Variants in CERK observed in about 807,000 individuals in gnomAD.
The protein encoded by CERK is acylsphingosine kinase.
CERK carries 39 observed loss-of-function variants against 63.4 expected under a neutral mutation model. That is an observed-to-expected ratio of 0.61 (90% CI 0.48 to 0.80). CERK has a LOEUF of 0.80. Ranked by LOEUF, CERK falls within the 30% of genes least tolerant of loss-of-function variation. The probability of loss-of-function intolerance (pLI) is 0.00; values close to 1 mark genes in which losing one functional copy is unlikely to be tolerated. For missense variants in CERK, 670 were observed against 714.1 expected (o/e 0.94, Z 0.70); for synonymous variants, 302 against 280.0 (o/e 1.08, Z -0.78).
chr22:46,685,176 T>C lies in CERK; in HGVS notation c.*1958A>G, dbSNP rs1320525249. Reference sequence around the variant, plus strand: ...CCACCTCTTTCTTGGGTTCAAGCGATTCTCCTGCCTCAGCATCCCTAGTAG... The same window carrying C: ...CCACCTCTTTCTTGGGTTCAAGCGACTCTCCTGCCTCAGCATCCCTAGTAG... On this transcript the variant is annotated 3_prime_UTR_variant, in exon 13 of 13. Coordinates refer to ENST00000216264, the MANE Select transcript of CERK (RefSeq NM_022766.6). The C allele has an allele frequency of 1.3e-5, 2 of 152,176 alleles. No individual in the cohort carries two copies. Among genetic ancestry groups the C allele is most frequent in the Non-Finnish European group, 2.9e-5 (2 of 68,084 alleles). The allele number at this position is 152,176 out of a possible 1,614,324, so 9.4% of individuals were successfully genotyped here. A position where few individuals can be genotyped will look rare whatever the true frequency, so the allele number is the denominator to read the frequency against.
At chr22:46,693,766 C>G in intron 9 of CERK, 1 of 416,966 alleles carries the variant, frequency 2.4e-6, no homozygotes, top group Non-Finnish European at 4.5e-6. Flanking sequence ...CACCTGGAGA[C>G]GGTTTCTGCC....
intron 5 of CERK, among the ~76,000 whole-genome samples, chr22:46,708,358 G>A (rs1364866844): frequency 1.3e-5 from 2 of 152,264 alleles, no homozygotes; most frequent in Admixed American, 1.3e-4. Flanking sequence ...TGGGAGCAGA[G>A]AGGGTGCACT....
At chr22:46,734,923 T>C (rs2082965159) in intron 1 of CERK, among the ~76,000 whole-genome samples, 1 of 152,202 alleles carries the variant, frequency 6.6e-6, no homozygotes. Flanking sequence ...CCAGGCACTT[T>C]GCAGGGTGTG....
intron 1 of CERK, among the ~76,000 whole-genome samples, chr22:46,734,067 C>CATATATATAT (rs59207182): frequency 6.9e-6 from 1 of 145,394 alleles, no homozygotes; most frequent in African/African-American, 2.5e-5. Context: ...TACATACATA[C>CATATATATAT]ATATATATAT....
intron 1 of CERK, among the ~76,000 whole-genome samples, chr22:46,731,666 T>C (rs551149248): frequency 7.2e-5 from 11 of 152,172 alleles, no homozygotes; most frequent in Admixed American, 3.3e-4. Context: ...AGAGGGCACC[T>C]GGGGAGGCAC....
intron 10 of CERK, among the ~76,000 whole-genome samples, chr22:46,692,276 A>C (rs1401699062): frequency 6.6e-6 from 1 of 151,552 alleles, no homozygotes; most frequent in Non-Finnish European, 1.5e-5. Context: ...AAATACAAAA[A>C]TTAGCCAGGC....
At position 46,687,178 on chromosome 22, in the gene CERK, CAA is replaced by C. The variant is rs1424538130; in HGVS notation, c.1568_1569del (p.Phe523CysfsTer5). 6 of 1,614,054 alleles carry C rather than the reference CAA, an allele frequency of 3.7e-6. No individual in the cohort carries two copies. The highest frequency in any genetic ancestry group is 3.3e-5 in the South Asian group (3 of 91,090). ...VRVHCQLVRLFARGIEENPKP... is the reference protein window; with the variant it reads ...VRVHCQLVRLXARGIEENPKP... ...TTCGGATTCTCTTCAATTCCTCGTG[CAA>C]AGAGTCGAACCAGCTGGCAGTGGAC... On this transcript the variant is annotated frameshift_variant, in exon 13 of 13. Transcript: ENST00000216264. LOFTEE classifies it low-confidence loss of function (END_TRUNC).
At chr22:46,718,978 A>G (rs9615405) in intron 3 of CERK, among the ~76,000 whole-genome samples, 25,247 of 151,924 alleles carry the variant, frequency 0.17, 3,241 homozygotes, top group African/African-American at 0.36. Flanking sequence ...TGAGGTGGGA[A>G]GATCACTTGA....
In CERK at chr22:46,701,380, G is replaced by A. The variant is rs1331866512; in HGVS notation, c.790+256C>T. Reference sequence around the variant, plus strand: ...CAGGTGAGCTGAGTACGGGCATCGCGCATGTGGTGGATTCCGTGGGAAAGA... The same window carrying A: ...CAGGTGAGCTGAGTACGGGCATCGCACATGTGGTGGATTCCGTGGGAAAGA... On this transcript the variant is annotated intron_variant, in intron 7 of 12. Transcript: ENST00000216264. 1.3e-5 allele frequency among the ~76,000 whole-genome samples: 2 copies of A among 152,234 alleles called. No individual in the cohort carries two copies. Among genetic ancestry groups the A allele is most frequent in the Non-Finnish European group, 2.9e-5 (2 of 68,042 alleles).
intron 3 of CERK, among the ~76,000 whole-genome samples, chr22:46,715,656 A>G (rs1301132481): frequency 7.2e-5 from 11 of 152,148 alleles, no homozygotes; most frequent in Non-Finnish European, 2.9e-5. Flanking sequence ...GCTGCACTGC[A>G]GCCTGGGTGA....
intron 4 of CERK, among the ~76,000 whole-genome samples, chr22:46,711,782 A>T (rs2082842232): frequency 6.6e-6 from 1 of 152,230 alleles, no homozygotes; most frequent in African/African-American, 2.4e-5. Context: ...TGTTTAAAAT[A>T]ATCTTACAGG....
intron 1 of CERK, among the ~76,000 whole-genome samples, chr22:46,721,361 C>T (rs951722821): frequency 5.3e-5 from 8 of 152,040 alleles, no homozygotes; most frequent in Non-Finnish European, 1.2e-4. Context: ...GGTTCGATCT[C>T]GGCTCACTGC....
At chr22:46,724,231 GTTTTC>G (rs2082906816) in intron 1 of CERK, among the ~76,000 whole-genome samples, 2 of 152,016 alleles carry the variant, frequency 1.3e-5, no homozygotes, top group East Asian at 1.9e-4. Flanking sequence ...TCTTAACCAC[GTTTTC>G]TTTTCTCTAG....
At chr22:46,713,156 A>G (rs1371524520) in intron 3 of CERK, among the ~76,000 whole-genome samples, 1 of 152,148 alleles carries the variant, frequency 6.6e-6, no homozygotes, top group Admixed American at 6.5e-5. Context: ...CAAATCAATA[A>G]AAGTAACAAG....
Position 46,691,590 on chromosome 22 carries a change from G to C in CERK, c.1314C>G (p.His438Gln), listed in dbSNP as rs780720946. 1 of 1,613,872 alleles carries C rather than the reference G, an allele frequency of 6.2e-7. No homozygotes were observed. Among genetic ancestry groups the C allele is most frequent in the Non-Finnish European group, 8.5e-7 (1 of 1,179,974 alleles). ...RFNFLRFLIR[H>Q]TNQQDQFDFT... ...CACTTACCTGGTCCTGCTGGTTGGT[G>C]TGCCTGATGAGAAATCTCAGAAAAT... Residue 438 changes from histidine to glutamine, a missense_variant, in exon 11 of 13, where the codon CAC (histidine) becomes CAG (glutamine). By Grantham distance (24) the His-to-Gln change is conservative. Coordinates refer to ENST00000216264, the MANE Select transcript of CERK (RefSeq NM_022766.6).
chr22:46,719,031 G>T (rs1486705380), intron 3 of CERK, among the ~76,000 whole-genome samples: 1 of 152,068 alleles, frequency 6.6e-6, no homozygotes, highest in African/African-American at 2.4e-5. Flanking sequence ...TCATGCCACT[G>T]CACTCCACCC....
At position 46,690,111 on chromosome 22, in the gene CERK, C is replaced by A. The variant is rs775141833; in HGVS notation, c.1422G>T (p.Glu474Asp). The A allele has an allele frequency of 3.8e-5, 62 of 1,614,114 alleles. 1 individual carries two copies. Among genetic ancestry groups the A allele is most frequent in the Admixed American group, 2.3e-4 (14 of 60,020 alleles). Reference sequence around the variant, plus strand: ...TGTGCCCAAAGCGCTTCTTCCCCCCCTCCTTGAGGTCGCTGTCCTCATCCT... The same window carrying A: ...TGTGCCCAAAGCGCTTCTTCCCCCCATCCTTGAGGTCGCTGTCCTCATCCT... ...HMEDEDSDLK[E>D]GGKKRFGHIC... Residue 474 changes from glutamate to aspartate, a missense_variant, in exon 12 of 13, where the codon GAG (glutamate) becomes GAT (aspartate). Transcript: ENST00000216264.
At chr22:46,700,596 T>C (rs2082778640) in intron 7 of CERK, among the ~76,000 whole-genome samples, 1 of 152,044 alleles carries the variant, frequency 6.6e-6, no homozygotes, top group Non-Finnish European at 1.5e-5. Flanking sequence ...TTCTGCAATC[T>C]CAGCTACTTA....
chr22:46,705,607 GT>G (rs2082809230), intron 6 of CERK, among the ~76,000 whole-genome samples: 1 of 152,174 alleles, frequency 6.6e-6, no homozygotes, highest in African/African-American at 2.4e-5. Context: ...GGAGGCAGAG[GT>G]TGCAGTGAGC....
Sources: allele counts gnomAD v4.1 joint callset (sites outside exome capture counted in the v4.1 genomes callset), GRCh38; gene constraint gnomAD v4.1.1; transcripts MANE v1.5; gene names NCBI Gene and HGNC (gene_info 2026-07-23, HGNC 2026-07-21).